CNIH3: variants seen among roughly 807,000 people sequenced by gnomAD.
CNIH3 encodes the protein cornichon family AMPA receptor auxiliary protein 3.
In CNIH3, 14 loss-of-function variants were observed where a neutral mutation model predicts 24.1. That is an observed-to-expected ratio of 0.58 (90% CI 0.38 to 0.91). The LOEUF is 0.91. CNIH3 is among the 40% of genes least tolerant of loss of function. CNIH3 has a pLI of 0.00. For synonymous variants in CNIH3, 68 were observed against 73.8 expected, an observed-to-expected ratio of 0.92 and a Z score of 0.40; for missense variants, 178 against 196.8, an observed-to-expected ratio of 0.90 and a Z score of 0.57.
chr1:224,667,461 G>GAAAGAGAA (rs1042782507), intron 1 of CNIH3, among the ~76,000 whole-genome samples: 2 of 152,122 alleles, frequency 1.3e-5, no homozygotes, highest in East Asian at 3.9e-4. Context: ...GTACAAATCA[G>GAAAGAGAA]AAAGAGAAAA....
chr1:224,731,602 C>T (rs143294156), intron 4 of CNIH3, among the ~76,000 whole-genome samples: 413 of 152,280 alleles, frequency 2.7e-3, no homozygotes, highest in Non-Finnish European at 4.0e-3. Flanking sequence ...AGAAAACATA[C>T]GGGATACATA....
chr1:224,694,868 A>G (rs1271741670), intron 3 of CNIH3, among the ~76,000 whole-genome samples: 1 of 152,170 alleles, frequency 6.6e-6, no homozygotes, highest in African/African-American at 2.4e-5. Flanking sequence ...ATTCTCACTT[A>G]TAAGTGGGAG....
intron 3 of CNIH3, among the ~76,000 whole-genome samples, chr1:224,707,604 T>C (rs1687893242): frequency 6.6e-6 from 1 of 152,166 alleles, no homozygotes; most frequent in African/African-American, 2.4e-5. Context: ...ATGACTTGAA[T>C]AGCATAGTGA....
chr1:224,568,505 C>G (rs1172201291), intron 4 of CNIH3, among the ~76,000 whole-genome samples: 1 of 152,052 alleles, frequency 6.6e-6, no homozygotes, highest in Admixed American at 6.5e-5. Flanking sequence ...ACCTGTAATC[C>G]CAGAGCTTCT....
intron 1 of CNIH3, among the ~76,000 whole-genome samples, chr1:224,493,702 C>G (rs1047501137): frequency 4.5e-4 from 69 of 152,154 alleles, no homozygotes; most frequent in African/African-American, 1.6e-3. Flanking sequence ...ATTCAGGTCA[C>G]TCTCATTCAG....
chr1:224,640,356 C>T (rs577411964), intron 1 of CNIH3, among the ~76,000 whole-genome samples: 7 of 152,316 alleles, frequency 4.6e-5, no homozygotes, highest in East Asian at 3.9e-4. Context: ...GCTGTAGAGA[C>T]GCTGTGACTC....
chr1:224,522,030 C>G (rs1225700204), intron 2 of CNIH3, among the ~76,000 whole-genome samples: 4 of 152,122 alleles, frequency 2.6e-5, no homozygotes, highest in Non-Finnish European at 4.4e-5. Context: ...TTGTTATGCT[C>G]CGATAAAGCA....
chr1:224,580,550 T>C (rs6426142), intron 4 of CNIH3, among the ~76,000 whole-genome samples: 25,138 of 152,114 alleles, frequency 0.17, 2,520 homozygotes, highest in African/African-American at 0.27. Flanking sequence ...ATGTTACACA[T>C]GAAAAGGAGG....
In CNIH3 at chr1:224,703,289, AGCC is replaced by A. The variant is rs1687602515; in HGVS notation, c.198+18447_198+18449del. Among the ~76,000 whole-genome samples, 1 of 152,174 alleles carries A rather than the reference AGCC, an allele frequency of 6.6e-6. No homozygotes were observed. Among genetic ancestry groups the A allele is most frequent in the Non-Finnish European group, 1.5e-5 (1 of 68,034 alleles). On this transcript the variant is annotated intron_variant, in intron 3 of 5. Coordinates refer to ENST00000272133, the MANE Select transcript of CNIH3 (RefSeq NM_152495.2). The surrounding 1 kb of genome is among the most constrained non-coding windows in gnomAD (Gnocchi z 4.2). ...GTAGACGTGACCACCGGACCAGCTG[AGCC>A]ACGATGGGCAGCTTGAATGTGTTAA... is the stretch of plus-strand genomic sequence containing the variant.
At chr1:224,667,042 C>A (rs1685629743) in intron 1 of CNIH3, among the ~76,000 whole-genome samples, 1 of 152,162 alleles carries the variant, frequency 6.6e-6, no homozygotes, top group Admixed American at 6.5e-5. Context: ...TCATCCTGTC[C>A]AGGGACTATG....
chr1:224,612,527 C>A (rs796760299), upstream of CNIH3, among the ~76,000 whole-genome samples: 7 of 152,234 alleles, frequency 4.6e-5, no homozygotes, highest in South Asian at 6.2e-4. This position sits in a 1 kb window ranked among gnomAD's most constrained non-coding sequence, Gnocchi z 4.7. Context: ...GTGAGTAAGG[C>A]TGAACCAGAA....
At chr1:224,634,385 A>G (rs1558235846) in intron 1 of CNIH3, among the ~76,000 whole-genome samples, 2 of 152,154 alleles carry the variant, frequency 1.3e-5, no homozygotes, top group Non-Finnish European at 2.9e-5. Flanking sequence ...CCTGGCCAAC[A>G]TAGTGAAACC....
intron 3 of CNIH3, among the ~76,000 whole-genome samples, chr1:224,560,851 G>C (rs1278527400): frequency 6.6e-6 from 1 of 152,160 alleles, no homozygotes; most frequent in African/African-American, 2.4e-5. Context: ...CCCTGGGTCT[G>C]TGGGAAAATT....
At position 224,739,553 on chromosome 1, in the gene CNIH3, G is replaced by A. The variant is rs1689770804; in HGVS notation, c.*197G>A. ...TAACCCTGCGTGTCTGTGTCACCCT[G>A]TTTGTCAATCTTTGGCATTCGAATT... On this transcript the variant is annotated 3_prime_UTR_variant, in exon 6 of 6. Transcript: ENST00000272133. The A allele has an allele frequency of 1.0e-6, 1 of 996,270 alleles. No individual in the cohort carries two copies. Among genetic ancestry groups the A allele is most frequent in the Non-Finnish European group, 1.5e-6 (1 of 688,020 alleles). The allele number at this position is 996,270 out of a possible 1,614,324, so 61.7% of individuals were successfully genotyped here.
At chr1:224,667,590 G>A (rs1269162052) in intron 1 of CNIH3, among the ~76,000 whole-genome samples, 1 of 152,174 alleles carries the variant, frequency 6.6e-6, no homozygotes. Flanking sequence ...CTGGAGAGGT[G>A]CAAATTAAAA....
intron 1 of CNIH3, among the ~76,000 whole-genome samples, chr1:224,474,517 C>T (rs183741729): frequency 1.1e-3 from 174 of 151,784 alleles, no homozygotes; most frequent in African/African-American, 3.0e-3. Flanking sequence ...TTCAAATAAA[C>T]GATATAATGA....
intron 2 of CNIH3, among the ~76,000 whole-genome samples, chr1:224,528,186 C>G (rs1020458227): frequency 6.6e-6 from 1 of 152,132 alleles, no homozygotes; most frequent in Non-Finnish European, 1.5e-5. Flanking sequence ...ATTGATTGAG[C>G]CTGGGAGGTC....
intron 3 of CNIH3, among the ~76,000 whole-genome samples, chr1:224,687,966 T>G (rs566415470): frequency 2.2e-4 from 34 of 152,342 alleles, no homozygotes; most frequent in African/African-American, 7.5e-4. Flanking sequence ...GGAGGGAGTC[T>G]GCAGACTGGC....
At chr1:224,534,994 A>C (rs539160732) in intron 2 of CNIH3, among the ~76,000 whole-genome samples, 1 of 152,214 alleles carries the variant, frequency 6.6e-6, no homozygotes, top group African/African-American at 2.4e-5. Flanking sequence ...ATAGACACCT[A>C]CCGGCCTATA....
Sources: allele counts gnomAD v4.1 joint callset (sites outside exome capture counted in the v4.1 genomes callset), GRCh38; gene constraint gnomAD v4.1.1; non-coding constraint Gnocchi (gnomAD v3.1); transcripts MANE v1.5; gene names NCBI Gene and HGNC (gene_info 2026-07-23, HGNC 2026-07-21).